The following PTPRD variants were observed in gnomAD, a reference collection of about 807,000 sequenced individuals.
PTPRD encodes receptor-type tyrosine-protein phosphatase delta.
PTPRD carries 34 observed loss-of-function variants against 214.5 expected under a neutral mutation model. The ratio of observed to expected loss-of-function variants is 0.16; its 90% CI spans 0.12 to 0.21. The LOEUF is 0.21. Ranked by LOEUF, PTPRD falls within the 10% of genes least tolerant of loss-of-function variation. PTPRD has a pLI of 1.00. For missense variants in PTPRD, 2,545 were observed against 2,398.7 expected, an observed-to-expected ratio of 1.06 and a Z score of -1.27; for synonymous variants, 1,128 against 845.7, an observed-to-expected ratio of 1.33 and a Z score of -5.79.
chr9:8,993,089 T>C (rs1325158893), intron 11 of PTPRD, among the ~76,000 whole-genome samples: 1 of 151,848 alleles, frequency 6.6e-6, no homozygotes, highest in Non-Finnish European at 1.5e-5. Context: ...ATCTCAGAAA[T>C]CAATCAGAGG....
At chr9:9,463,640 T>C (rs746376433) in intron 8 of PTPRD, among the ~76,000 whole-genome samples, 91 of 151,992 alleles carry the variant, frequency 6.0e-4, no homozygotes, top group Non-Finnish European at 1.8e-4. Flanking sequence ...TTTATTTTTA[T>C]TTTTTTTAAA....
chr9:8,326,144 T>C (rs1275314590), intron 44 of PTPRD, among the ~76,000 whole-genome samples: 2 of 152,234 alleles, frequency 1.3e-5, no homozygotes, highest in Non-Finnish European at 2.9e-5. Context: ...CCCTCTCTTG[T>C]GCTACTTTTC....
Position 10,101,329 on chromosome 9 carries a change from A to G in PTPRD, c.-544-67539T>C, listed in dbSNP as rs115260117. On this transcript the variant is annotated intron_variant, in intron 3 of 45. Transcript: ENST00000381196. Reference sequence around the variant, plus strand: ...ATGCCTCCTCAAGCAGATAAAATGCAAAAAGTCACCCAATTTGCAGAAGCA... The same window carrying G: ...ATGCCTCCTCAAGCAGATAAAATGCGAAAAGTCACCCAATTTGCAGAAGCA... Among the ~76,000 whole-genome samples, 1,274 of 151,858 alleles carry G rather than the reference A, an allele frequency of 8.4e-3. 27 individuals are homozygous for G. The highest frequency in any genetic ancestry group is 0.029 in the African/African-American group (1,215 of 41,510).
intron 13 of PTPRD, among the ~76,000 whole-genome samples, chr9:8,635,418 T>C (rs1230578199): frequency 6.6e-6 from 1 of 151,942 alleles, no homozygotes; most frequent in African/African-American, 2.4e-5. Flanking sequence ...TTTCCAAATA[T>C]TAAAGATATT....
chr9:9,680,036 T>G (rs1185837548), intron 7 of PTPRD, among the ~76,000 whole-genome samples: 1 of 151,942 alleles, frequency 6.6e-6, no homozygotes, highest in African/African-American at 2.4e-5. Context: ...ATAATATTTC[T>G]CTTTGAAATT....
chr9:10,316,578 T>A (rs1471237791), intron 3 of PTPRD, among the ~76,000 whole-genome samples: 1 of 151,972 alleles, frequency 6.6e-6, no homozygotes, highest in East Asian at 1.9e-4. Flanking sequence ...ATTTGGTCTT[T>A]TTCCAGAAAA....
At chr9:8,544,875 T>C (rs1204866230) in intron 14 of PTPRD, among the ~76,000 whole-genome samples, 1 of 149,820 alleles carries the variant, frequency 6.7e-6, no homozygotes, top group African/African-American at 2.5e-5. Flanking sequence ...AGCTGGGTCA[T>C]ACTAAAGACA....
At chr9:8,823,024 G>A (rs969572856) in intron 11 of PTPRD, among the ~76,000 whole-genome samples, 7 of 152,124 alleles carry the variant, frequency 4.6e-5, no homozygotes, top group Non-Finnish European at 1.0e-4. Context: ...TACAGCTGAA[G>A]AAAGTACAGA....
chr9:10,428,113 G>C (rs1293184587), intron 2 of PTPRD, among the ~76,000 whole-genome samples: 1 of 151,906 alleles, frequency 6.6e-6, no homozygotes, highest in Non-Finnish European at 1.5e-5. Flanking sequence ...TCAGGAGTTT[G>C]AGACCAGCCT....
At chr9:9,598,519 A>G (rs150293878) in intron 7 of PTPRD, among the ~76,000 whole-genome samples, 2 of 152,138 alleles carry the variant, frequency 1.3e-5, no homozygotes, top group African/African-American at 4.8e-5. Flanking sequence ...TTCATGGTAG[A>G]AAATTATGAA....
At chr9:8,955,107 T>C (rs966356928) in intron 11 of PTPRD, among the ~76,000 whole-genome samples, 12 of 151,900 alleles carry the variant, frequency 7.9e-5, no homozygotes, top group Non-Finnish European at 1.8e-4. Context: ...TTATTTGGTC[T>C]GGAAGAGAGA....
intron 5 of PTPRD, among the ~76,000 whole-genome samples, chr9:9,831,022 G>A (rs1204770483): frequency 6.6e-6 from 1 of 151,842 alleles, no homozygotes; most frequent in Non-Finnish European, 1.5e-5. Flanking sequence ...TTTAAGAAAG[G>A]AATCCTAAAT....
At chr9:9,185,841 G>A (rs775395758) in intron 9 of PTPRD, among the ~76,000 whole-genome samples, 9 of 151,022 alleles carry the variant, frequency 6.0e-5, no homozygotes, top group Non-Finnish European at 1.0e-4. Flanking sequence ...ACCTCTTACA[G>A]GTTTTCATAG....
At chr9:10,232,118 AT>A (rs2099613555) in intron 3 of PTPRD, among the ~76,000 whole-genome samples, 1 of 150,512 alleles carries the variant, frequency 6.6e-6, no homozygotes, top group South Asian at 2.1e-4. Flanking sequence ...CTTCTATCAT[AT>A]TTTGCCCTAG....
At chr9:9,372,133 T>C (rs1356554329) in intron 9 of PTPRD, among the ~76,000 whole-genome samples, 1 of 152,160 alleles carries the variant, frequency 6.6e-6, no homozygotes, top group African/African-American at 2.4e-5. Context: ...TTAGGTCCGC[T>C]TGGTGCAGAG....
At chr9:8,546,109 A>G (rs1249395294) in intron 14 of PTPRD, among the ~76,000 whole-genome samples, 3 of 152,206 alleles carry the variant, frequency 2.0e-5, no homozygotes, top group Non-Finnish European at 2.9e-5. Context: ...TGTACTTATC[A>G]GGGATCTCAA....
intron 9 of PTPRD, among the ~76,000 whole-genome samples, chr9:9,310,910 C>T (rs1463133304): frequency 6.7e-6 from 1 of 148,810 alleles, no homozygotes; most frequent in East Asian, 2.0e-4. Context: ...AAGAGCAAAG[C>T]TGTGTCTCAG....
At chr9:8,458,537 C>A (rs2096280592) in intron 33 of PTPRD, among the ~76,000 whole-genome samples, 1 of 152,056 alleles carries the variant, frequency 6.6e-6, no homozygotes. Flanking sequence ...ATGTGACTAC[C>A]TAAATCAATA....
intron 7 of PTPRD, among the ~76,000 whole-genome samples, chr9:9,720,841 T>C (rs2097923300): frequency 6.6e-6 from 1 of 152,166 alleles, no homozygotes; most frequent in African/African-American, 2.4e-5. Flanking sequence ...TGTCTTTTGT[T>C]GGAACATGGA....
Sources: allele counts gnomAD v4.1 joint callset (sites outside exome capture counted in the v4.1 genomes callset), GRCh38; gene constraint gnomAD v4.1.1; transcripts MANE v1.5; gene names NCBI Gene and HGNC (gene_info 2026-07-23, HGNC 2026-07-21).